GNAL: variants seen among roughly 807,000 people sequenced by gnomAD.
GNAL encodes guanine nucleotide-binding protein G(olf) subunit alpha.
GNAL carries 18 observed loss-of-function variants against 55.1 expected under a neutral mutation model. That is an observed-to-expected ratio of 0.33 (90% CI 0.23 to 0.48). The LOEUF is 0.48. Among genes scored for constraint, GNAL ranks in the 20% least tolerant of loss-of-function variants. The pLI is 0.99. For missense variants in GNAL, 412 were observed against 614.1 expected, an observed-to-expected ratio of 0.67 and a Z score of 3.48; for synonymous variants, 253 against 237.0, an observed-to-expected ratio of 1.07 and a Z score of -0.62.
chr18:11,740,988 A>G (rs1006989507), intron 1 of GNAL, among the ~76,000 whole-genome samples: 2 of 152,264 alleles, frequency 1.3e-5, no homozygotes, highest in Non-Finnish European at 2.9e-5. Context: ...GTTTAATTGC[A>G]TAGACAATTC....
At chr18:11,783,219 T>A (rs780738431) in intron 4 of GNAL, among the ~76,000 whole-genome samples, 17 of 152,216 alleles carry the variant, frequency 1.1e-4, no homozygotes, top group Non-Finnish European at 2.4e-4. Context: ...GAAACAAGGC[T>A]GCTCCCTAGA....
intron 5 of GNAL, among the ~76,000 whole-genome samples, chr18:11,828,076 A>T (rs368192966): frequency 2.0e-5 from 3 of 151,618 alleles, no homozygotes; most frequent in African/African-American, 7.3e-5. Context: ...CTCTCATGTT[A>T]TTTGGTTGCT....
At position 11,751,634 on chromosome 18, in the gene GNAL, C is replaced by G. The variant is rs1423977725; in HGVS notation, c.377-1219C>G. 1.0e-6 allele frequency: 1 copy of G among 985,336 alleles called. No individual in the cohort carries two copies. The highest frequency in any genetic ancestry group is 1.7e-5 in the African/African-American group (1 of 57,230). The allele number at this position is 985,336 out of a possible 1,614,324, so 61.0% of individuals were successfully genotyped here. On this transcript the variant is annotated intron_variant, in intron 1 of 11. Transcript: ENST00000334049. This position sits in a 1 kb window ranked among gnomAD's most constrained non-coding sequence, Gnocchi z 4.5. ...CGCGCCCAGACGCACTTTCCCGGCT[C>G]GGGGTGCAAGAGAGCCAGGCGGCCG...
At chr18:11,783,500 C>T (rs1218798096) in intron 4 of GNAL, among the ~76,000 whole-genome samples, 1 of 152,198 alleles carries the variant, frequency 6.6e-6, no homozygotes, top group Non-Finnish European at 1.5e-5. Context: ...CTACTAATCT[C>T]ACCGTGATGG....
intron 1 of GNAL, among the ~76,000 whole-genome samples, chr18:11,691,720 C>G (rs1216085339): frequency 1.3e-5 from 2 of 152,134 alleles, no homozygotes; most frequent in African/African-American, 2.4e-5. Context: ...AATAGGGAAT[C>G]CTTTCCCCAT....
intron 5 of GNAL, among the ~76,000 whole-genome samples, chr18:11,838,537 C>T (rs1406857845): frequency 6.6e-6 from 1 of 152,180 alleles, no homozygotes; most frequent in Non-Finnish European, 1.5e-5. Flanking sequence ...TTAATCAAGA[C>T]TCCCTGTTGC....
intron 1 of GNAL, among the ~76,000 whole-genome samples, chr18:11,704,931 T>C (rs1013151444): frequency 1.3e-5 from 2 of 152,142 alleles, no homozygotes; most frequent in African/African-American, 4.8e-5. Context: ...TCCTGCATCT[T>C]TGAGTTGATT....
intron 1 of GNAL, among the ~76,000 whole-genome samples, chr18:11,743,607 G>A (rs186796472): frequency 1.6e-4 from 25 of 152,234 alleles, no homozygotes; most frequent in Admixed American, 1.5e-3. Flanking sequence ...TTTGTTAATT[G>A]GTAAAGAGAG....
At chr18:11,832,354 C>T (rs1228281096) in intron 5 of GNAL, among the ~76,000 whole-genome samples, 3 of 152,074 alleles carry the variant, frequency 2.0e-5, no homozygotes, top group African/African-American at 7.2e-5. Context: ...AAAAGAGCAG[C>T]GAAAAAAGTC....
intron 1 of GNAL, among the ~76,000 whole-genome samples, chr18:11,719,110 C>T (rs993004727): frequency 1.3e-5 from 2 of 151,916 alleles, no homozygotes; most frequent in African/African-American, 4.8e-5. Flanking sequence ...TATTGAGGAC[C>T]TCATATGTGT....
intron 1 of GNAL, among the ~76,000 whole-genome samples, chr18:11,692,309 A>G (rs944276011): frequency 3.9e-5 from 6 of 152,244 alleles, no homozygotes; most frequent in Admixed American, 3.3e-4. Flanking sequence ...TAGCTGTTGT[A>G]TCCTGTTGAA....
chr18:11,831,104 A>G (rs951118432), intron 5 of GNAL, among the ~76,000 whole-genome samples: 20 of 152,316 alleles, frequency 1.3e-4, no homozygotes, highest in African/African-American at 4.3e-4. Context: ...ATGGAATTGC[A>G]TACATCAAAA....
intron 4 of GNAL, among the ~76,000 whole-genome samples, chr18:11,766,574 T>C (rs768140011): frequency 3.3e-5 from 5 of 152,176 alleles, no homozygotes; most frequent in Non-Finnish European, 7.3e-5. Flanking sequence ...TCAACCTACT[T>C]TTATCTTGTA....
Position 11,689,644 on chromosome 18 carries a change from G to A in GNAL, c.81G>A (p.Val27=). 1.4e-6 allele frequency: 2 copies of A among 1,393,178 alleles called. No homozygotes were observed. Among genetic ancestry groups the A allele is most frequent in the Non-Finnish European group, 1.8e-6 (2 of 1,081,322 alleles). 86.3% of individuals were successfully genotyped at this position (1,393,178 alleles called of 1,614,324 possible). The change falls in exon 1 of 12, where the codon GTG becomes GTA. Residue 27 remains valine, a synonymous_variant. Transcript: ENST00000334049. ...DDPCAASEPP[V]EDAQPAPAPA... ...CCTGCGCGGCCTCGGAGCCGCCGGTGGAGGACGCGCAGCCCGCCCCGGCCC... is the reference window on the plus strand; with the variant it reads ...CCTGCGCGGCCTCGGAGCCGCCGGTAGAGGACGCGCAGCCCGCCCCGGCCC...
intron 11 of GNAL, among the ~76,000 whole-genome samples, chr18:11,878,533 G>C (rs2036584575): frequency 6.6e-6 from 1 of 152,150 alleles, no homozygotes. Context: ...TCTAGACAGG[G>C]ACAAATAGTC....
intron 11 of GNAL, among the ~76,000 whole-genome samples, chr18:11,877,134 G>GAT (rs1438085340): frequency 1.1e-4 from 16 of 152,090 alleles, no homozygotes; most frequent in Admixed American, 1.0e-3. Flanking sequence ...ACTTACATAT[G>GAT]AGGCAGAAGA....
At chr18:11,869,149 T>A (rs925070384) in intron 9 of GNAL, among the ~76,000 whole-genome samples, 26 of 151,812 alleles carry the variant, frequency 1.7e-4, no homozygotes, top group South Asian at 2.1e-4. Context: ...TTTTATTATT[T>A]TTTTTTTATT....
At chr18:11,873,131 G>GTGAT (rs2036436323) in intron 10 of GNAL, among the ~76,000 whole-genome samples, 1 of 152,240 alleles carries the variant, frequency 6.6e-6, no homozygotes, top group African/African-American at 2.4e-5. Context: ...GCTCATAGGA[G>GTGAT]TGATTTAAGG....
In GNAL at chr18:11,703,930, G is replaced by C. The variant is rs546165863; in HGVS notation, c.376+13991G>C. Among the ~76,000 whole-genome samples, 28 of 152,154 alleles carry C rather than the reference G, an allele frequency of 1.8e-4. No homozygotes were observed. The East Asian group carries it at 3.9e-3, about 21-fold the overall frequency. ...CCTAGTCTGTGGCCTCAGAAGAAAA[G>C]CATCTTAGTTCTGCTGGTGGTGTTC... is the stretch of plus-strand genomic sequence containing the variant. On this transcript the variant is annotated intron_variant, in intron 1 of 11. Coordinates refer to ENST00000334049, the MANE Select transcript of GNAL (RefSeq NM_182978.4).
Sources: gnomAD v4.1 joint callset for allele counts (sites outside exome capture counted in the v4.1 genomes callset) on GRCh38, gnomAD v4.1.1 for gene constraint, Gnocchi (gnomAD v3.1) non-coding constraint, MANE v1.5 for transcripts, NCBI Gene and HGNC (gene_info 2026-07-23, HGNC 2026-07-21) for gene names.